SLC23A2: variants seen among roughly 807,000 people sequenced by gnomAD.
SLC23A2 encodes solute carrier family 23 member 2.
Under a neutral mutation model 73.3 loss-of-function variants are expected in SLC23A2, and 36 were observed. The ratio of observed to expected loss-of-function variants is 0.49; its 90% confidence interval spans 0.38 to 0.65. The LOEUF is 0.65. SLC23A2 is among the 30% of genes least tolerant of loss of function. The probability of loss-of-function intolerance (pLI) is 0.00; values close to 1 mark genes in which losing one functional copy is unlikely to be tolerated. For missense variants in SLC23A2, 507 were observed against 841.6 expected (o/e 0.60, Z 4.92); for synonymous variants, 343 against 327.3 (o/e 1.05, Z -0.52).
chr20:4,953,798 A>G (rs1406670804), intron 2 of SLC23A2, among the ~76,000 whole-genome samples: 1 of 152,168 alleles, frequency 6.6e-6, no homozygotes, highest in Non-Finnish European at 1.5e-5. Flanking sequence ...CTGAGACAGG[A>G]GAATCACTTA....
At chr20:4,908,661 G>T (rs1314144188) in intron 4 of SLC23A2, among the ~76,000 whole-genome samples, 2 of 152,234 alleles carry the variant, frequency 1.3e-5, no homozygotes, top group African/African-American at 4.8e-5. Flanking sequence ...GGGTGTGGTG[G>T]CTCATGCCTG....
chr20:4,935,578 C>T (rs1052846193), intron 2 of SLC23A2, among the ~76,000 whole-genome samples: 1 of 152,116 alleles, frequency 6.6e-6, no homozygotes, highest in Non-Finnish European at 1.5e-5. Context: ...GCAGGCGGAT[C>T]ACGAGGTCAG....
chr20:4,946,826 A>G (rs1292624395), intron 2 of SLC23A2, among the ~76,000 whole-genome samples: 1 of 152,210 alleles, frequency 6.6e-6, no homozygotes, highest in African/African-American at 2.4e-5. Context: ...AAAATGTCAG[A>G]GTGGTGTATG....
At chr20:4,870,178 G>A (rs903110720) in intron 11 of SLC23A2, 125 bp from the exon 12 acceptor site, 1 of 792,716 alleles carries the variant, frequency 1.3e-6, no homozygotes, top group Non-Finnish European at 2.0e-6. Context: ...TGAAGCTCAT[G>A]GAAACTGTTC....
At position 4,872,816 on chromosome 20, in the gene SLC23A2, G is replaced by C. The variant is rs146685826; in HGVS notation, c.1102+1120C>G. Among the ~76,000 whole-genome samples, 1 of 151,906 alleles carries C rather than the reference G, an allele frequency of 6.6e-6. No individual in the cohort carries two copies. The highest frequency in any genetic ancestry group is 1.5e-5 in the Non-Finnish European group (1 of 67,978). Reference sequence around the variant, plus strand: ...GTCTCCCAGGCTGAAGTGCAGTGGCGCAATCTCGACTCACTGCAACCTCCG... The same window carrying C: ...GTCTCCCAGGCTGAAGTGCAGTGGCCCAATCTCGACTCACTGCAACCTCCG... On this transcript the variant is annotated intron_variant, in intron 11 of 16. Coordinates refer to ENST00000338244, the MANE Select transcript of SLC23A2 (RefSeq NM_005116.6). This position sits in a 1 kb window ranked among gnomAD's most constrained non-coding sequence, Gnocchi z 4.4.
chr20:5,003,625 C>G (rs2088158917), upstream of SLC23A2, among the ~76,000 whole-genome samples: 1 of 151,870 alleles, frequency 6.6e-6, no homozygotes, highest in African/African-American at 2.4e-5. Flanking sequence ...TTAAGTCTAT[C>G]CCCTCCCCAT....
At chr20:4,954,427 T>C in intron 2 of SLC23A2, among the ~76,000 whole-genome samples, 1 of 152,134 alleles carries the variant, frequency 6.6e-6, no homozygotes, top group East Asian at 1.9e-4. Flanking sequence ...CTGGGTGCAG[T>C]GGCTCATGCC....
intron 13 of SLC23A2, 41 bp downstream of exon 13, chr20:4,867,729 T>A: frequency 8.4e-7 from 1 of 1,191,890 alleles, no homozygotes; most frequent in Non-Finnish European, 1.2e-6. Context: ...AATGGACCAA[T>A]GCTTAGAAAC....
chr20:4,953,185 AT>A (rs1209103344), intron 2 of SLC23A2, among the ~76,000 whole-genome samples: 1 of 152,062 alleles, frequency 6.6e-6, no homozygotes, highest in Non-Finnish European at 1.5e-5. Flanking sequence ...GCGTGCCTGT[AT>A]TCCCAGCTAC....
At chr20:4,966,669 G>A (rs2087479803) in intron 2 of SLC23A2, among the ~76,000 whole-genome samples, 1 of 151,944 alleles carries the variant, frequency 6.6e-6, no homozygotes, top group Admixed American at 6.6e-5. Flanking sequence ...AATTACATAT[G>A]TGACTTCCAT....
chr20:4,959,053 T>C (rs1168369650), intron 2 of SLC23A2, among the ~76,000 whole-genome samples: 1 of 134,850 alleles, frequency 7.4e-6, no homozygotes, highest in Non-Finnish European at 1.6e-5. Flanking sequence ...CTACTAAAAA[T>C]ACAAAAAAAA....
intron 13 of SLC23A2, among the ~76,000 whole-genome samples, chr20:4,865,435 C>T (rs889609200): frequency 2.6e-5 from 4 of 152,212 alleles, no homozygotes; most frequent in Non-Finnish European, 5.9e-5. Flanking sequence ...ATGAAGCACC[C>T]GCTCTGCCAG....
chr20:4,899,566 C>A lies in SLC23A2; in HGVS notation c.471G>T (p.Thr157=), dbSNP rs1568615053. ...TACCCCAATCTCACCTGCATCCAAA[C>A]GTTGTCTGTAGCAAAGTAGTGATTC... The part of the protein sequence containing the change: ...CVGITTLLQT[T]FGCRLPLFQA... Residue 157 remains threonine (T), a synonymous_variant, in exon 6 of 17, where the codon ACG becomes ACT. Transcript: ENST00000338244. The surrounding 1 kb of genome is among the most constrained non-coding windows in gnomAD (Gnocchi z 4.9). 1 of 1,614,100 alleles carries A rather than the reference C, an allele frequency of 6.2e-7. No individual in the cohort carries two copies. The highest frequency in any genetic ancestry group is 8.5e-7 in the Non-Finnish European group (1 of 1,179,996).
intron 3 of SLC23A2, among the ~76,000 whole-genome samples, chr20:4,917,120 C>G (rs1932353471): frequency 6.6e-6 from 1 of 152,186 alleles, no homozygotes; most frequent in South Asian, 2.1e-4. Context: ...AGACTGAGTG[C>G]CCCGCCAAGG....
intron 6 of SLC23A2, among the ~76,000 whole-genome samples, chr20:4,891,624 C>T (rs1366442261): frequency 6.6e-6 from 1 of 152,226 alleles, no homozygotes; most frequent in Non-Finnish European, 1.5e-5. Context: ...ACAAGGCTGT[C>T]CAGCCCTTGC....
At chr20:4,940,274 C>T (rs766455530) in intron 2 of SLC23A2, among the ~76,000 whole-genome samples, 77 of 151,898 alleles carry the variant, frequency 5.1e-4, no homozygotes, top group Middle Eastern at 3.5e-3. Context: ...AAGATCATGC[C>T]GCTTCACTAC....
chr20:4,894,489 C>T (rs529930098), intron 6 of SLC23A2, among the ~76,000 whole-genome samples: 2 of 152,342 alleles, frequency 1.3e-5, no homozygotes, highest in African/African-American at 4.8e-5. Flanking sequence ...ACATGCTTCA[C>T]GTGGTCTCAG....
chr20:4,877,531 G>A (rs1220517975), intron 9 of SLC23A2, among the ~76,000 whole-genome samples: 1 of 152,158 alleles, frequency 6.6e-6, no homozygotes, highest in East Asian at 1.9e-4. Context: ...ATAAAAATAT[G>A]TAAGGATAAA....
intron 2 of SLC23A2, among the ~76,000 whole-genome samples, chr20:4,941,347 A>T (rs1464224466): frequency 6.6e-6 from 1 of 152,116 alleles, no homozygotes; most frequent in Admixed American, 6.6e-5. Context: ...TGGGCAACAT[A>T]GTAAGATTCC....
Sources: gnomAD v4.1 joint callset for allele counts (sites outside exome capture counted in the v4.1 genomes callset) on GRCh38, gnomAD v4.1.1 for gene constraint, Gnocchi (gnomAD v3.1) non-coding constraint, MANE v1.5 for transcripts, NCBI Gene and HGNC (gene_info 2026-07-23, HGNC 2026-07-21) for gene names.